Variants in SIL1 observed in about 807,000 individuals in gnomAD.
The protein encoded by SIL1 is SIL1 nucleotide exchange factor.
A neutral mutation model predicts 49.1 loss-of-function variants in SIL1; 40 were observed. The ratio of observed to expected loss-of-function variants is 0.81; its 90% CI spans 0.63 to 1.06. The LOEUF (loss-of-function observed/expected upper bound fraction) is 1.06, where lower values mean the gene tolerates loss of function less well. SIL1 is among the 50% of genes least tolerant of loss of function. SIL1 has a pLI of 0.00. For missense variants in SIL1, 500 were observed against 572.6 expected, an observed-to-expected ratio of 0.87 and a Z score of 1.29; for synonymous variants, 253 against 250.8, an observed-to-expected ratio of 1.01 and a Z score of -0.08.
intron 3 of SIL1, among the ~76,000 whole-genome samples, chr5:139,075,436 C>A (rs1212483183): frequency 1.3e-5 from 2 of 152,130 alleles, no homozygotes; most frequent in Non-Finnish European, 2.9e-5. Context: ...ATGTAGCAAC[C>A]ACTGAGATGC....
At chr5:139,058,432 A>G (rs1443532033) in intron 3 of SIL1, among the ~76,000 whole-genome samples, 2 of 152,200 alleles carry the variant, frequency 1.3e-5, no homozygotes, top group Non-Finnish European at 2.9e-5. Flanking sequence ...ATTGCATGCC[A>G]TTAGAGGAAT....
intron 7 of SIL1, among the ~76,000 whole-genome samples, chr5:139,003,025 G>A (rs1016702158): frequency 2.0e-5 from 3 of 152,132 alleles, no homozygotes; most frequent in Non-Finnish European, 1.5e-5. Flanking sequence ...GGAGCTAGAG[G>A]TGGAAACAAT....
chr5:139,035,341 C>T, intron 5 of SIL1: 1 of 530,646 alleles, frequency 1.9e-6, no homozygotes, highest in Non-Finnish European at 3.7e-6. Context: ...GTGATATTTC[C>T]ACTGTGTTTG....
chr5:138,969,170 A>G (rs1561809485), intron 7 of SIL1, among the ~76,000 whole-genome samples: 2 of 152,246 alleles, frequency 1.3e-5, no homozygotes, highest in African/African-American at 4.8e-5. Context: ...TTTGGGAAGC[A>G]GGGAGTTTCA....
intron 1 of SIL1, among the ~76,000 whole-genome samples, chr5:139,168,497 T>A (rs1751669450): frequency 6.6e-6 from 1 of 152,188 alleles, no homozygotes; most frequent in Non-Finnish European, 1.5e-5. Context: ...TGATTCTGAT[T>A]GCTGCTTCTG....
chr5:139,037,168 T>C (rs1768935947), intron 5 of SIL1, among the ~76,000 whole-genome samples: 2 of 150,472 alleles, frequency 1.3e-5, no homozygotes. Context: ...CACATACTTC[T>C]GGCCTCTATG....
chr5:139,019,405 G>A (rs1330480770), intron 7 of SIL1, among the ~76,000 whole-genome samples: 3 of 152,110 alleles, frequency 2.0e-5, no homozygotes, highest in Admixed American at 6.5e-5. Flanking sequence ...AAGCTCTGGC[G>A]CCATACCATG....
At chr5:139,177,236 T>TTTTA (rs536551541) in intron 1 of SIL1, among the ~76,000 whole-genome samples, 388 of 142,314 alleles carry the variant, frequency 2.7e-3, no homozygotes, top group African/African-American at 6.8e-3. Context: ...CTGGCCTTTA[T>TTTTA]TTTATTTATT....
At position 138,947,096 on chromosome 5, in the gene SIL1, G is replaced by C. The variant is rs1766645645; in HGVS notation, c.*21C>G. 1 of 1,585,754 alleles carries C rather than the reference G, an allele frequency of 6.3e-7. No individual in the cohort carries two copies. The highest frequency in any genetic ancestry group is 1.3e-5 in the African/African-American group (1 of 74,238). On this transcript the variant is annotated 3_prime_UTR_variant, in exon 10 of 10. Coordinates refer to ENST00000394817, the MANE Select transcript of SIL1 (RefSeq NM_022464.5). This position sits in a 1 kb window ranked among gnomAD's most constrained non-coding sequence, Gnocchi z 4.1. ...CCTCAGCCTCACTAGCGGCATCCCA[G>C]TCCAGTCCTGGTGTGGGGCCTCATC...
chr5:139,050,219 T>C (rs1224757118), intron 4 of SIL1, among the ~76,000 whole-genome samples: 1 of 152,164 alleles, frequency 6.6e-6, no homozygotes, highest in African/African-American at 2.4e-5. Context: ...AATTTGCTGG[T>C]CCCTGTGTTA....
At position 139,050,937 on chromosome 5, in the gene SIL1, C is replaced by T; in HGVS notation, c.353+1G>A. 6.2e-7 allele frequency: 1 copy of T among 1,613,216 alleles called. No homozygotes were observed. The highest frequency in any genetic ancestry group is 8.5e-7 in the Non-Finnish European group (1 of 1,179,166). On this transcript the variant is annotated splice_donor_variant, in intron 4 of 9. Transcript: ENST00000394817. LOFTEE classifies it high-confidence loss of function. ...CCCAGTCCCTAGGGTTGACACTGTA[C>T]CTTTTGCCTTTCAAATTATTTCGGA... is the stretch of plus-strand genomic sequence containing the variant.
chr5:139,034,734 C>T (rs892264564), intron 5 of SIL1, among the ~76,000 whole-genome samples: 16 of 152,162 alleles, frequency 1.1e-4, no homozygotes, highest in Non-Finnish European at 2.1e-4. Flanking sequence ...AAAACATATG[C>T]ATGTGTGTCT....
At chr5:138,952,560 C>A (rs1295997055) in intron 7 of SIL1, among the ~76,000 whole-genome samples, 1 of 152,242 alleles carries the variant, frequency 6.6e-6, no homozygotes, top group Non-Finnish European at 1.5e-5. Context: ...CAGCACAGAG[C>A]CTGCCACGTC....
At chr5:138,969,429 T>C (rs1013408951) in intron 7 of SIL1, among the ~76,000 whole-genome samples, 2 of 152,230 alleles carry the variant, frequency 1.3e-5, no homozygotes, top group African/African-American at 4.8e-5. Flanking sequence ...TCTGGGACTC[T>C]AACACAGTAC....
At position 139,075,669 on chromosome 5, in the gene SIL1, G is replaced by A. The variant is rs529007888; in HGVS notation, c.245-24623C>T. ...GTGTTTATGGGGAATAAATGTCAAG[G>A]TAAAGCAGGAATATCTATTTTCTAT... is the stretch of plus-strand genomic sequence containing the variant. On this transcript the variant is annotated intron_variant, in intron 3 of 9. Coordinates refer to ENST00000394817, the MANE Select transcript of SIL1 (RefSeq NM_022464.5). 2.6e-5 allele frequency among the ~76,000 whole-genome samples: 4 copies of A among 152,314 alleles called. No homozygotes were observed. In the South Asian group the frequency reaches 8.3e-4, roughly 32 times the overall value.
intron 7 of SIL1, among the ~76,000 whole-genome samples, chr5:138,958,157 T>C (rs1286745014): frequency 6.6e-6 from 1 of 152,230 alleles, no homozygotes; most frequent in Non-Finnish European, 1.5e-5. Context: ...TCTCCTTTCA[T>C]CTGGAACTGT....
chr5:138,980,131 G>A (rs1278407058), intron 7 of SIL1, among the ~76,000 whole-genome samples: 3 of 152,176 alleles, frequency 2.0e-5, no homozygotes, highest in South Asian at 2.1e-4. Context: ...GACAGGAAGC[G>A]GTTATACTGA....
At chr5:139,130,898 T>C (rs1480676271) in intron 1 of SIL1, among the ~76,000 whole-genome samples, 1 of 152,224 alleles carries the variant, frequency 6.6e-6, no homozygotes, top group Non-Finnish European at 1.5e-5. Flanking sequence ...TGATTCTAAT[T>C]ATATGAAATA....
At chr5:138,984,332 G>GTTTTT (rs57850973) in intron 7 of SIL1, among the ~76,000 whole-genome samples, 1 of 141,550 alleles carries the variant, frequency 7.1e-6, no homozygotes. Flanking sequence ...CTCTTACGGT[G>GTTTTT]TTTTTTTTTT....
Sources: allele counts gnomAD v4.1 joint callset (sites outside exome capture counted in the v4.1 genomes callset), GRCh38; gene constraint gnomAD v4.1.1; non-coding constraint Gnocchi (gnomAD v3.1); transcripts MANE v1.5; gene names NCBI Gene and HGNC (gene_info 2026-07-23, HGNC 2026-07-21).